DRC8: variants seen among roughly 807,000 people sequenced by gnomAD.
DRC8 encodes the protein dynein regulatory complex protein 8.
chr1:245,034,246 T>G, the DRC8 span, among the ~76,000 whole-genome samples: 1 of 152,074 alleles, frequency 6.6e-6, no homozygotes, highest in African/African-American at 2.4e-5. Context: ...AAGGTAAAAT[T>G]TTAGGAAAAT....
chr1:244,970,539 T>C, the DRC8 span: 1 of 1,449,464 alleles, frequency 6.9e-7, no homozygotes, highest in African/African-American at 1.5e-5. Context: ...CTCGTCCATC[T>C]GGAGTTCCCA....
At chr1:245,097,138 C>T in the DRC8 span, among the ~76,000 whole-genome samples, 1 of 152,172 alleles carries the variant, frequency 6.6e-6, no homozygotes, top group Non-Finnish European at 1.5e-5. This position sits in a 1 kb window ranked among gnomAD's most constrained non-coding sequence, Gnocchi z 5.0. Flanking sequence ...CTTGTGACCT[C>T]AGGGACTTCA....
chr1:245,035,187 T>TA, the DRC8 span, among the ~76,000 whole-genome samples: 1 of 11,202 alleles, frequency 8.9e-5, no homozygotes, highest in African/African-American at 9.7e-5. Flanking sequence ...CCTGGTTGCC[T>TA]TTTTTTTTTT....
At chr1:244,996,707 G>T in the DRC8 span, among the ~76,000 whole-genome samples, 1 of 152,188 alleles carries the variant, frequency 6.6e-6, no homozygotes, top group Non-Finnish European at 1.5e-5. Context: ...TTAGGTAAAG[G>T]AGTGGATAAA....
At chr1:245,117,705 A>G in the DRC8 span, among the ~76,000 whole-genome samples, 1 of 152,118 alleles carries the variant, frequency 6.6e-6, no homozygotes, top group Non-Finnish European at 1.5e-5. Flanking sequence ...ACGGTGGCTC[A>G]TGTCTATAAT....
the DRC8 span, among the ~76,000 whole-genome samples, chr1:245,115,470 T>C: frequency 6.6e-6 from 1 of 152,246 alleles, no homozygotes; most frequent in Non-Finnish European, 1.5e-5. Context: ...AGTTGAGAAG[T>C]GAAGTTCAGG....
chr1:245,077,572 G>A, the DRC8 span, among the ~76,000 whole-genome samples: 3 of 152,150 alleles, frequency 2.0e-5, no homozygotes, highest in Non-Finnish European at 4.4e-5. Flanking sequence ...ATGAAGCCAT[G>A]CATAAATGGC....
chr1:245,101,757 T>G, the DRC8 span, among the ~76,000 whole-genome samples: 1,490 of 152,310 alleles, frequency 9.8e-3, 30 homozygotes, highest in African/African-American at 0.034. Context: ...ATCAAGTATT[T>G]TTTGCTTTTT....
chr1:244,973,256 C>G, the DRC8 span, among the ~76,000 whole-genome samples: 4 of 152,114 alleles, frequency 2.6e-5, no homozygotes, highest in Non-Finnish European at 5.9e-5. Context: ...TTTATGGGTA[C>G]TAAGCTTCGG....
At chr1:245,099,676 G>A in the DRC8 span, among the ~76,000 whole-genome samples, 1 of 152,244 alleles carries the variant, frequency 6.6e-6, no homozygotes, top group East Asian at 1.9e-4. Flanking sequence ...CAAAGCACAC[G>A]CTGATCGCTT....
At chr1:245,048,648 C>G in the DRC8 span, among the ~76,000 whole-genome samples, 1 of 152,064 alleles carries the variant, frequency 6.6e-6, no homozygotes, top group African/African-American at 2.4e-5. Context: ...GTTTTTGCCT[C>G]CTCTTTCTCC....
At chr1:244,969,783 T>C in the DRC8 span, 4 of 283,074 alleles carry the variant, frequency 1.4e-5, no homozygotes, top group South Asian at 6.7e-5. Context: ...GCTGTCGCTT[T>C]CTCTGGGAAA....
chr1:245,120,255 G>A, the DRC8 span, among the ~76,000 whole-genome samples: 1 of 152,144 alleles, frequency 6.6e-6, no homozygotes, highest in Non-Finnish European at 1.5e-5. Context: ...GAACAGGCAG[G>A]TAGCATCCTT....
the DRC8 span, among the ~76,000 whole-genome samples, chr1:245,056,235 A>G: frequency 1.2e-4 from 18 of 152,146 alleles, no homozygotes; most frequent in African/African-American, 4.3e-4. Flanking sequence ...GACATTTTAT[A>G]CTCAGGTTAC....
At chr1:245,103,652 C>T in the DRC8 span, among the ~76,000 whole-genome samples, 1 of 148,988 alleles carries the variant, frequency 6.7e-6, no homozygotes, top group Non-Finnish European at 1.5e-5. Context: ...CCAGAGAGGC[C>T]AAGCATTGTT....
chr1:245,071,995 C>T, the DRC8 span, among the ~76,000 whole-genome samples: 1 of 152,224 alleles, frequency 6.6e-6, no homozygotes, highest in South Asian at 2.1e-4. Context: ...CTCTCCTTCA[C>T]CATTGGTGAG....
At chr1:245,031,634 C>T in the DRC8 span, among the ~76,000 whole-genome samples, 1 of 152,120 alleles carries the variant, frequency 6.6e-6, no homozygotes, top group East Asian at 1.9e-4. Context: ...TTGTGTTAAG[C>T]CACTGGAGGC....
chr1:245,023,379 T>C, the DRC8 span, among the ~76,000 whole-genome samples: 4 of 152,228 alleles, frequency 2.6e-5, no homozygotes, highest in African/African-American at 4.8e-5. Flanking sequence ...TTTAATTCTT[T>C]TGGGTGCATA....
the DRC8 span, among the ~76,000 whole-genome samples, chr1:245,068,630 C>T: frequency 2.7e-3 from 402 of 149,010 alleles, 3 homozygotes; most frequent in Non-Finnish European, 4.5e-3. Context: ...TTTTTAGAGA[C>T]GGGGCCTTGA....
Sources: allele counts gnomAD v4.1 joint callset (sites outside exome capture counted in the v4.1 genomes callset), GRCh38; gene constraint gnomAD v4.1.1; non-coding constraint Gnocchi (gnomAD v3.1); transcripts MANE v1.5; gene names NCBI Gene and HGNC (gene_info 2026-07-23, HGNC 2026-07-21).